The following PCBP4 variants were observed in gnomAD, a reference collection of about 807,000 sequenced individuals.
PCBP4 encodes the protein poly(rC)-binding protein 4.
PCBP4 carries 24 observed loss-of-function variants against 46.2 expected under a neutral mutation model. The ratio of observed to expected loss-of-function variants is 0.52; its 90% confidence interval spans 0.38 to 0.73. The LOEUF is 0.73. Among genes scored for constraint, PCBP4 ranks in the 30% least tolerant of loss-of-function variants. The pLI is 0.00. For missense variants in PCBP4, 407 were observed against 537.0 expected (o/e 0.76, Z 2.39); for synonymous variants, 203 against 224.4 (o/e 0.90, Z 0.85).
chr3:51,960,784 G>T lies in PCBP4; in HGVS notation c.138+82C>A. 1 of 1,532,898 alleles carries T rather than the reference G, an allele frequency of 6.5e-7. No homozygotes were observed. The highest frequency in any genetic ancestry group is 9.0e-7 in the Non-Finnish European group (1 of 1,106,524). 95.0% of individuals were successfully genotyped at this position (1,532,898 alleles called of 1,614,324 possible). Reference sequence around the variant, plus strand: ...GGGGACTCACTGGTCAGCCCAGAAGGAGTGGTTCAGAGAGAAAGTGGGGCA... The same window carrying T: ...GGGGACTCACTGGTCAGCCCAGAAGTAGTGGTTCAGAGAGAAAGTGGGGCA... On this transcript the variant is annotated intron_variant, in intron 5 of 13. Transcript: ENST00000461554. The surrounding 1 kb of genome is among the most constrained non-coding windows in gnomAD (Gnocchi z 5.0).
Position 51,957,929 on chromosome 3 carries a change from A to AG in PCBP4, c.*131dup, listed in dbSNP as rs1699897619. The AG allele has an allele frequency of 2.6e-6, 2 of 774,430 alleles. No homozygotes were observed. The highest frequency in any genetic ancestry group is 4.1e-6 in the Non-Finnish European group (2 of 487,314). 48.0% of individuals were successfully genotyped at this position (774,430 alleles called of 1,614,324 possible). ...GAACTCCCATAGATGGAGGCAGGGT[A>AG]GGGGGTGCATCCATGCGTCTGGGCG... On this transcript the variant is annotated 3_prime_UTR_variant, in exon 14 of 14. Coordinates refer to ENST00000461554, the MANE Select transcript of PCBP4 (RefSeq NM_001174100.2).
At position 51,961,015 on chromosome 3, in the gene PCBP4, C is replaced by T. The variant is rs1381943100; in HGVS notation, c.100G>A (p.Gly34Arg). Residue 34 changes from glycine (G) to arginine (R), a missense_variant, in exon 4 of 14, where the codon GGG becomes AGG. Physicochemically the swap from Gly to Arg is moderately radical, Grantham distance 125. Transcript: ENST00000461554. The part of the protein sequence containing the change: ...MHGKEVGSII[G>R]KKGETVKRIR... Reference sequence around the variant, plus strand: ...GAGCAGAGCTAGGCACCTACCTTCCCGATGATGCTGCCCACTTCCTGCGGA... The same window carrying T: ...GAGCAGAGCTAGGCACCTACCTTCCTGATGATGCTGCCCACTTCCTGCGGA... 1.2e-6 allele frequency: 2 copies of T among 1,614,224 alleles called. No individual in the cohort carries two copies. The highest frequency in any genetic ancestry group is 1.7e-6 in the Non-Finnish European group (2 of 1,180,040).
At position 51,959,513 on chromosome 3, in the gene PCBP4, C is replaced by T. The variant is rs1380613739; in HGVS notation, c.591+64G>A. The T allele has an allele frequency of 1.4e-5, 22 of 1,526,110 alleles. No homozygotes were observed. Among genetic ancestry groups the T allele is most frequent in the East Asian group, 2.4e-5 (1 of 41,024 alleles). The allele number at this position is 1,526,110 out of a possible 1,614,324, so 94.5% of individuals were successfully genotyped here. A position where few individuals can be genotyped will look rare whatever the true frequency, so the allele number is the denominator to read the frequency against. On this transcript the variant is annotated intron_variant, in intron 9 of 13. Transcript: ENST00000461554. The surrounding 1 kb of genome is among the most constrained non-coding windows in gnomAD (Gnocchi z 5.6). The stretch of plus-strand genomic sequence containing the variant: ...TGGACCTCCAATTCCTTCTTCCATC[C>T]CCTCCTCTATCTCAATCCCCCTTCT...
In PCBP4 at chr3:51,960,437, C is replaced by T; in HGVS notation, c.255+89G>A. 6.4e-7 allele frequency: 1 copy of T among 1,551,156 alleles called. No individual in the cohort carries two copies. Among genetic ancestry groups the T allele is most frequent in the Admixed American group, 1.7e-5 (1 of 59,548 alleles). ...GGGAACACTGCCCTGGGCTTGACCT[C>T]CCCTCCCACCCATAGCCACTATCTG... On this transcript the variant is annotated intron_variant, in intron 6 of 13. Coordinates refer to ENST00000461554, the MANE Select transcript of PCBP4 (RefSeq NM_001174100.2). The surrounding 1 kb of genome is among the most constrained non-coding windows in gnomAD (Gnocchi z 5.0).
rs1275017553 is a variant in PCBP4 at position 51,960,817 on chromosome 3, C to T, written c.138+49G>A. 1.3e-6 allele frequency: 2 copies of T among 1,594,102 alleles called. No homozygotes were observed. The highest frequency in any genetic ancestry group is 2.2e-5 in the East Asian group (1 of 44,750). On this transcript the variant is annotated intron_variant, in intron 5 of 13. Coordinates refer to ENST00000461554, the MANE Select transcript of PCBP4 (RefSeq NM_001174100.2). This position sits in a 1 kb window ranked among gnomAD's most constrained non-coding sequence, Gnocchi z 5.0. ...CAGAGAGAAAGTGGGGCAGGGATCT[C>T]CCCTCCACATCAGGTGCCCTGGGCT... is the stretch of plus-strand genomic sequence containing the variant.
intron 1 of PCBP4, among the ~76,000 whole-genome samples, chr3:51,964,283 C>A (rs1027184727): frequency 1.3e-5 from 2 of 152,184 alleles, no homozygotes; most frequent in Non-Finnish European, 2.9e-5. Context: ...TGACAGCTGC[C>A]CAATCAAAGG....
chr3:51,957,983 G>A lies in PCBP4; in HGVS notation c.*78C>T. 7.4e-7 allele frequency: 1 copy of A among 1,360,518 alleles called. No homozygotes were observed. The highest frequency in any genetic ancestry group is 1.5e-5 in the South Asian group (1 of 68,094). The allele number at this position is 1,360,518 out of a possible 1,614,324, so 84.3% of individuals were successfully genotyped here. A position where few individuals can be genotyped will look rare whatever the true frequency, so the allele number is the denominator to read the frequency against. ...GCGGCGTTTGGGACCCCAGGGTGGA[G>A]TCTCCTTGGGCGGGTAGGGTGCAGA... On this transcript the variant is annotated 3_prime_UTR_variant, in exon 14 of 14. Coordinates refer to ENST00000461554, the MANE Select transcript of PCBP4 (RefSeq NM_001174100.2).
chr3:51,958,423 G>T lies in PCBP4; in HGVS notation c.924-74C>A. ...AGAGGGGCAATGAGGGCAGAGATGG[G>T]CATGAGATTAGATGAAAGGCAAGAG... On this transcript the variant is annotated intron_variant, in intron 13 of 13. Coordinates refer to ENST00000461554, the MANE Select transcript of PCBP4 (RefSeq NM_001174100.2). The surrounding 1 kb of genome is among the most constrained non-coding windows in gnomAD (Gnocchi z 5.4). 1 of 1,041,592 alleles carries T rather than the reference G, an allele frequency of 9.6e-7. No homozygotes were observed. Among genetic ancestry groups the T allele is most frequent in the Non-Finnish European group, 1.3e-6 (1 of 745,726 alleles). The allele number at this position is 1,041,592 out of a possible 1,614,324, so 64.5% of individuals were successfully genotyped here. A position where few individuals can be genotyped will look rare whatever the true frequency, so the allele number is the denominator to read the frequency against.
chr3:51,958,267 T>C lies in PCBP4; in HGVS notation c.1006A>G (p.Thr336Ala), dbSNP rs1179831548. 3 of 1,584,610 alleles carry C rather than the reference T, an allele frequency of 1.9e-6. No individual in the cohort carries two copies. The East Asian group carries it at 6.8e-5, about 36-fold the overall frequency. Residue 336 changes from threonine (T) to alanine (A), a missense_variant, in exon 14 of 14, where the codon ACG becomes GCG. Physicochemically the swap from Thr to Ala is moderately conservative, Grantham distance 58. Coordinates refer to ENST00000461554, the MANE Select transcript of PCBP4 (RefSeq NM_001174100.2). The surrounding 1 kb of genome is among the most constrained non-coding windows in gnomAD (Gnocchi z 5.4). The stretch of plus-strand genomic sequence containing the variant: ...CCAGGGGGAGCTGTGGGCAGGGCCG[T>C]CAGGGGTGGCGAGAAGGGGGCAGGC... ...DLPAPFSPPL[T>A]ALPTAPPGLL...
chr3:51,958,648 T>C lies in PCBP4; in HGVS notation c.923+142A>G, dbSNP rs1266018337. 4 of 890,772 alleles carry C rather than the reference T, an allele frequency of 4.5e-6. No individual in the cohort carries two copies. The highest frequency in any genetic ancestry group is 1.7e-5 in the South Asian group (1 of 57,204). 55.2% of individuals were successfully genotyped at this position (890,772 alleles called of 1,614,324 possible). A position where few individuals can be genotyped will look rare whatever the true frequency, so the allele number is the denominator to read the frequency against. The stretch of plus-strand genomic sequence containing the variant: ...CAGAGGGTGAATTAGGCAAAGACCA[T>C]GGGGAATTGGAGTAGGGTTAGGAGA... On this transcript the variant is annotated intron_variant, in intron 13 of 13. Transcript: ENST00000461554. This position sits in a 1 kb window ranked among gnomAD's most constrained non-coding sequence, Gnocchi z 5.4.
chr3:51,957,961 G>T lies in PCBP4; in HGVS notation c.*100C>A. 2 of 1,137,386 alleles carry T rather than the reference G, an allele frequency of 1.8e-6. No homozygotes were observed. Among genetic ancestry groups the T allele is most frequent in the Non-Finnish European group, 1.2e-6 (1 of 804,584 alleles). The allele number at this position is 1,137,386 out of a possible 1,614,324, so 70.5% of individuals were successfully genotyped here. A position where few individuals can be genotyped will look rare whatever the true frequency, so the allele number is the denominator to read the frequency against. On this transcript the variant is annotated 3_prime_UTR_variant, in exon 14 of 14. Transcript: ENST00000461554. Reference sequence around the variant, plus strand: ...GCATCCATGCGTCTGGGCGTTAGCGGCGTTTGGGACCCCAGGGTGGAGTCT... The same window carrying T: ...GCATCCATGCGTCTGGGCGTTAGCGTCGTTTGGGACCCCAGGGTGGAGTCT...
chr3:51,964,268 TC>T (rs1388366560), intron 1 of PCBP4, among the ~76,000 whole-genome samples: 1 of 152,080 alleles, frequency 6.6e-6, no homozygotes, highest in Non-Finnish European at 1.5e-5. Flanking sequence ...GCTGTCTCTC[TC>T]CCATGACAGC....
At position 51,960,766 on chromosome 3, in the gene PCBP4, C is replaced by T. The variant is rs1015558267; in HGVS notation, c.138+100G>A. The T allele has an allele frequency of 1.3e-6, 2 of 1,497,142 alleles. No homozygotes were observed. Among genetic ancestry groups the T allele is most frequent in the South Asian group, 1.1e-5 (1 of 88,676 alleles). The allele number at this position is 1,497,142 out of a possible 1,614,324, so 92.7% of individuals were successfully genotyped here. ...CAAAACTGCCACCCTCTGGGGGACT[C>T]ACTGGTCAGCCCAGAAGGAGTGGTT... On this transcript the variant is annotated intron_variant, in intron 5 of 13. Coordinates refer to ENST00000461554, the MANE Select transcript of PCBP4 (RefSeq NM_001174100.2). This position sits in a 1 kb window ranked among gnomAD's most constrained non-coding sequence, Gnocchi z 5.0.
At position 51,959,531 on chromosome 3, in the gene PCBP4, C is replaced by T; in HGVS notation, c.591+46G>A. 6.5e-7 allele frequency: 1 copy of T among 1,535,542 alleles called. No homozygotes were observed. The highest frequency in any genetic ancestry group is 8.8e-7 in the Non-Finnish European group (1 of 1,132,882). ...TTCCATCCCCTCCTCTATCTCAATC[C>T]CCCTTCTCCAGTAATGTGTCCCACT... On this transcript the variant is annotated intron_variant, in intron 9 of 13. Transcript: ENST00000461554. The surrounding 1 kb of genome is among the most constrained non-coding windows in gnomAD (Gnocchi z 5.6).
chr3:51,961,855 G>T (rs1237083116), intron 2 of PCBP4, 86 bp downstream of exon 2: 2 of 644,924 alleles, frequency 3.1e-6, no homozygotes, highest in Non-Finnish European at 3.9e-6. Flanking sequence ...AGGCAGGGAG[G>T]CCTCGGGTGT....
At position 51,959,079 on chromosome 3, in the gene PCBP4, TC is replaced by T; in HGVS notation, c.720del (p.Thr241ProfsTer12). 6.2e-7 allele frequency: 1 copy of T among 1,613,836 alleles called. No individual in the cohort carries two copies. The highest frequency in any genetic ancestry group is 1.1e-5 in the South Asian group (1 of 91,054). ...SVVPGLDPGT[Q>X]TSSQEFLVPN... The stretch of plus-strand genomic sequence containing the variant: ...GGAACCAAGAACTCCTGTGAGCTGG[TC>T]TGTGTGCCGGGATCCAGTCCTGAGG... On this transcript the variant is annotated frameshift_variant, in exon 12 of 14. Transcript: ENST00000461554. LOFTEE classifies it high-confidence loss of function. This position sits in a 1 kb window ranked among gnomAD's most constrained non-coding sequence, Gnocchi z 5.6.
intron 1 of PCBP4, among the ~76,000 whole-genome samples, chr3:51,962,581 G>A (rs1053256863): frequency 3.3e-5 from 5 of 152,096 alleles, no homozygotes; most frequent in African/African-American, 1.2e-4. Flanking sequence ...GATGAAGGAT[G>A]AGTGTGCTGA....
chr3:51,959,940 A>G lies in PCBP4; in HGVS notation c.471T>C (p.Asp157=), dbSNP rs1434558010. 1.2e-6 allele frequency: 2 copies of G among 1,609,902 alleles called. No homozygotes were observed. The highest frequency in any genetic ancestry group is 2.2e-5 in the East Asian group (1 of 44,802). ...ERAVTVSGVP[D]AIILCVRQIC... ...TCTGGCGCACACACAGGATGATGGC[A>G]TCAGGCACCCCAGATACCGTAACAG... Residue 157 remains aspartate, a synonymous_variant, in exon 8 of 14, where the codon GAT becomes GAC. Coordinates refer to ENST00000461554, the MANE Select transcript of PCBP4 (RefSeq NM_001174100.2). The surrounding 1 kb of genome is among the most constrained non-coding windows in gnomAD (Gnocchi z 5.6).
chr3:51,961,046 C>T lies in PCBP4; in HGVS notation c.82-13G>A. ...TGCTGCCCACTTCCTGCGGACAAGA[C>T]AAGAGCCGTCAGATGGGTGCCAGTG... On this transcript the variant is annotated splice_polypyrimidine_tract_variant and intron_variant, in intron 3 of 13. Transcript: ENST00000461554. 1.2e-6 allele frequency: 2 copies of T among 1,614,222 alleles called. No homozygotes were observed. Among genetic ancestry groups the T allele is most frequent in the Middle Eastern group, 1.6e-4 (1 of 6,062 alleles).
Sources: gnomAD v4.1 joint callset for allele counts (sites outside exome capture counted in the v4.1 genomes callset) on GRCh38, gnomAD v4.1.1 for gene constraint, Gnocchi (gnomAD v3.1) non-coding constraint, MANE v1.5 for transcripts, NCBI Gene and HGNC (gene_info 2026-07-23, HGNC 2026-07-21) for gene names.